Variants in GRID2 observed in about 807,000 individuals in gnomAD.
The protein encoded by GRID2 is glutamate ionotropic receptor delta type subunit 2.
A neutral mutation model predicts 114.8 loss-of-function variants in GRID2; 33 were observed. The ratio of observed to expected loss-of-function variants is 0.29; its 90% CI spans 0.22 to 0.38. The LOEUF is 0.38. Ranked by LOEUF, GRID2 falls within the 10% of genes least tolerant of loss-of-function variation. The pLI is 1.00. For missense variants in GRID2, 1,184 were observed against 1,257.7 expected (o/e 0.94, Z 0.89); for synonymous variants, 505 against 449.9 (o/e 1.12, Z -1.55).
intron 1 of GRID2, among the ~76,000 whole-genome samples, chr4:92,393,461 G>A (rs1049544130): frequency 6.6e-6 from 1 of 151,990 alleles, no homozygotes; most frequent in Non-Finnish European, 1.5e-5. Context: ...AAACTTCCCT[G>A]CACTCAACCT....
At chr4:92,353,253 A>ATT (rs147164753) in intron 1 of GRID2, among the ~76,000 whole-genome samples, 1 of 144,998 alleles carries the variant, frequency 6.9e-6, no homozygotes, top group African/African-American at 2.5e-5. Context: ...TGCTTTATCA[A>ATT]TTTTTTTTTT....
At chr4:92,652,695 G>A (rs1473376465) in intron 2 of GRID2, among the ~76,000 whole-genome samples, 1 of 136,628 alleles carries the variant, frequency 7.3e-6, no homozygotes, top group Non-Finnish European at 1.6e-5. Flanking sequence ...TTTTGGCCGG[G>A]CGCGGTGGCT....
chr4:92,552,256 AAGT>A lies in GRID2; in HGVS notation c.89-37870_89-37868del, dbSNP rs541952476. Reference sequence around the variant, plus strand: ...GCAAAGCAAAAATGAAAAAAAAAAAAAGTAGTAATATCCCAGAAAACTGTGAAG... The same window carrying A: ...GCAAAGCAAAAATGAAAAAAAAAAAAAGTAATATCCCAGAAAACTGTGAAG... On this transcript the variant is annotated intron_variant, in intron 1 of 15. Transcript: ENST00000282020. Among the ~76,000 whole-genome samples, 862 of 152,180 alleles carry A rather than the reference AAGT, an allele frequency of 5.7e-3. 9 individuals are homozygous for A. The highest frequency in any genetic ancestry group is 0.02 in the African/African-American group (817 of 41,526).
At chr4:92,459,977 C>T (rs895699903) in intron 1 of GRID2, among the ~76,000 whole-genome samples, 2 of 141,938 alleles carry the variant, frequency 1.4e-5, no homozygotes, top group Non-Finnish European at 3.0e-5. Flanking sequence ...CTGCCCTGCA[C>T]TCTGGACTTC....
downstream of GRID2, among the ~76,000 whole-genome samples, chr4:93,775,134 C>T (rs1473445334): frequency 9.2e-6 from 1 of 108,612 alleles, no homozygotes; most frequent in African/African-American, 3.0e-5. Context: ...ATTTTGAAAA[C>T]ATAATTTACT....
intron 8 of GRID2, among the ~76,000 whole-genome samples, chr4:93,318,174 A>C (rs1165159101): frequency 6.6e-6 from 1 of 151,242 alleles, no homozygotes; most frequent in African/African-American, 2.4e-5. Flanking sequence ...AAGTGATTTA[A>C]ATGATGTGTG....
At chr4:93,227,517 A>T (rs888714796) in intron 7 of GRID2, among the ~76,000 whole-genome samples, 2 of 152,060 alleles carry the variant, frequency 1.3e-5, no homozygotes, top group African/African-American at 4.8e-5. Flanking sequence ...GTGAGCCACC[A>T]TGCCTGTCCC....
At chr4:92,311,181 A>G (rs974529393) in intron 1 of GRID2, among the ~76,000 whole-genome samples, 4 of 152,104 alleles carry the variant, frequency 2.6e-5, no homozygotes, top group Non-Finnish European at 4.4e-5. Flanking sequence ...ATCATTGTGT[A>G]TGTACACTTG....
intron 14 of GRID2, among the ~76,000 whole-genome samples, chr4:93,665,967 A>G (rs780127768): frequency 1.3e-5 from 2 of 151,974 alleles, no homozygotes; most frequent in African/African-American, 2.4e-5. Flanking sequence ...ATTCATCCCC[A>G]CTTTTCTTAT....
chr4:93,348,710 C>T (rs568704631), intron 8 of GRID2, among the ~76,000 whole-genome samples: 29 of 152,152 alleles, frequency 1.9e-4, no homozygotes, highest in Non-Finnish European at 3.2e-4. Context: ...CATCATTCTA[C>T]TGGACCTCTG....
chr4:93,601,110 ATTGAATTTGAGACTC>A (rs1739634030), intron 13 of GRID2, among the ~76,000 whole-genome samples: 3 of 152,226 alleles, frequency 2.0e-5, no homozygotes, highest in Admixed American at 6.5e-5. Flanking sequence ...ATGAAAATTC[ATTGAATTTGAGACTC>A]AAAATCTGTG....
intron 1 of GRID2, among the ~76,000 whole-genome samples, chr4:93,783,071 A>G (rs902577739): frequency 1.3e-5 from 2 of 150,910 alleles, no homozygotes; most frequent in Non-Finnish European, 3.0e-5. Flanking sequence ...TATATCCTCA[A>G]TAAGAATTAT....
Position 92,435,164 on chromosome 4 carries a change from T to A in GRID2, c.88+130420T>A, listed in dbSNP as rs545139977. On this transcript the variant is annotated intron_variant, in intron 1 of 15. Transcript: ENST00000282020. ...ATCTGCAGTTTTCCTAGAGGTTTCT[T>A]TCTGTTCCTGGGCCACCAAACCGGA... Among the ~76,000 whole-genome samples the A allele has an allele frequency of 3.3e-5, 5 of 152,320 alleles. No homozygotes were observed. In the South Asian group the frequency reaches 1.0e-3, roughly 32 times the overall value.
In GRID2 at chr4:93,257,995, TATATAC is replaced by T. The variant is rs1297736226; in HGVS notation, c.1245+19507_1245+19512del. On this transcript the variant is annotated intron_variant, in intron 8 of 15. Transcript: ENST00000282020. ...ATGTGTGTGTATATATATATATATA[TATATAC>T]ACACACACACACACACACACACACA... 1.0e-3 allele frequency among the ~76,000 whole-genome samples: 43 copies of T among 41,846 alleles called. 1 individual carries two copies. Among genetic ancestry groups the T allele is most frequent in the East Asian group, 3.6e-3 (11 of 3,058 alleles). The allele number at this position is 41,846 out of a possible 152,430, so 27.5% of individuals were successfully genotyped here.
At chr4:93,009,803 A>G (rs1721938493) in intron 2 of GRID2, among the ~76,000 whole-genome samples, 1 of 152,058 alleles carries the variant, frequency 6.6e-6, no homozygotes, top group South Asian at 2.1e-4. Flanking sequence ...GTTGTCTTAT[A>G]TTAAAATTTA....
intron 1 of GRID2, among the ~76,000 whole-genome samples, chr4:92,362,183 T>A (rs1728649176): frequency 6.6e-6 from 1 of 151,986 alleles, no homozygotes; most frequent in African/African-American, 2.4e-5. Flanking sequence ...TTTGGGCTCT[T>A]GTGTTGGTGT....
intron 4 of GRID2, among the ~76,000 whole-genome samples, chr4:93,137,552 G>T (rs1021883643): frequency 3.3e-5 from 5 of 152,126 alleles, no homozygotes; most frequent in Non-Finnish European, 5.9e-5. Flanking sequence ...TAAACAGAAA[G>T]AGGATTTCAA....
At chr4:93,387,467 A>G (rs1400646382) in intron 8 of GRID2, among the ~76,000 whole-genome samples, 4 of 152,144 alleles carry the variant, frequency 2.6e-5, no homozygotes, top group Non-Finnish European at 5.9e-5. Flanking sequence ...AGGGGGAAAA[A>G]TCTCAGCTGA....
chr4:93,124,730 A>T (rs1734119575), intron 4 of GRID2, among the ~76,000 whole-genome samples: 1 of 152,192 alleles, frequency 6.6e-6, no homozygotes, highest in South Asian at 2.1e-4. Flanking sequence ...CTAGATTACA[A>T]TTCTATCCAG....
Sources: gnomAD v4.1 joint callset for allele counts (sites outside exome capture counted in the v4.1 genomes callset) on GRCh38, gnomAD v4.1.1 for gene constraint, MANE v1.5 for transcripts, NCBI Gene and HGNC (gene_info 2026-07-23, HGNC 2026-07-21) for gene names.